Variants in TRMT11 observed in about 807,000 individuals in gnomAD.
TRMT11 encodes tRNA (guanine(10)-N(2))-methyltransferase TRMT11.
In TRMT11, 53 loss-of-function variants were observed where a neutral mutation model predicts 62.8. The ratio of observed to expected loss-of-function variants is 0.84; its 90% CI spans 0.68 to 1.06. The LOEUF is 1.06. TRMT11 is among the 50% of genes least tolerant of loss of function. The pLI, the probability that TRMT11 is intolerant of heterozygous loss-of-function variation, is 0.00. For missense variants in TRMT11, 556 were observed against 553.4 expected (o/e 1.00, Z -0.05); for synonymous variants, 188 against 190.3 (o/e 0.99, Z 0.10).
chr6:126,085,351 G>A (rs558252696), intron 17 of TRMT11, among the ~76,000 whole-genome samples: 1 of 152,218 alleles, frequency 6.6e-6, no homozygotes, highest in South Asian at 2.1e-4. Flanking sequence ...CATGTGCCAG[G>A]CAGTACTCTA....
chr6:126,035,557 C>G (rs1364210441), intron 12 of TRMT11, among the ~76,000 whole-genome samples: 1 of 152,088 alleles, frequency 6.6e-6, no homozygotes, highest in Non-Finnish European at 1.5e-5. Flanking sequence ...CCAGGAGTTG[C>G]ATTTCTAAGG....
intron 17 of TRMT11, among the ~76,000 whole-genome samples, chr6:126,060,116 A>G (rs533182149): frequency 1.3e-5 from 2 of 152,202 alleles, no homozygotes; most frequent in Non-Finnish European, 2.9e-5. Flanking sequence ...GAACCAGAGA[A>G]AGAGTATATA....
intron 21 of TRMT11, among the ~76,000 whole-genome samples, chr6:126,150,741 A>G (rs919712137): frequency 6.6e-6 from 1 of 152,176 alleles, no homozygotes. Flanking sequence ...TTAAAAATAC[A>G]TTGCATATTG....
intron 1 of TRMT11, among the ~76,000 whole-genome samples, chr6:126,189,814 C>A (rs1196381379): frequency 2.0e-5 from 3 of 152,032 alleles, no homozygotes; most frequent in Non-Finnish European, 4.4e-5. Context: ...CTGTTTATAT[C>A]TCAAAACAGT....
chr6:125,990,266 A>G (rs1309626127), intron 1 of TRMT11, among the ~76,000 whole-genome samples: 1 of 152,192 alleles, frequency 6.6e-6, no homozygotes, highest in African/African-American at 2.4e-5. Flanking sequence ...GGGATGATGT[A>G]CATCCTCTTC....
chr6:126,044,369 A>G (rs962216321), intron 16 of TRMT11, among the ~76,000 whole-genome samples: 3 of 152,174 alleles, frequency 2.0e-5, no homozygotes, highest in African/African-American at 7.2e-5. Flanking sequence ...AGCTGTAGAT[A>G]TGCGGCATTA....
intron 12 of TRMT11, among the ~76,000 whole-genome samples, chr6:126,022,872 A>G (rs976860168): frequency 6.6e-6 from 1 of 152,202 alleles, no homozygotes; most frequent in Non-Finnish European, 1.5e-5. Flanking sequence ...TATGGCAGTC[A>G]TTTTTAAAAC....
chr6:126,194,030 A>T (rs937326661), intron 1 of TRMT11, among the ~76,000 whole-genome samples: 3 of 152,202 alleles, frequency 2.0e-5, no homozygotes, highest in Admixed American at 6.5e-5. Flanking sequence ...GTCAGAAAAG[A>T]TACTTCATAT....
chr6:126,151,905 C>CTCTTTCTTTCGT (rs1778058062), intron 21 of TRMT11, among the ~76,000 whole-genome samples: 1 of 80,362 alleles, frequency 1.2e-5, no homozygotes, highest in Non-Finnish European at 2.3e-5. Context: ...TCTTTCTTTT[C>CTCTTTCTTTCGT]TCTTTCTTTC....
intron 19 of TRMT11, among the ~76,000 whole-genome samples, chr6:126,114,846 T>C (rs1777569526): frequency 6.6e-6 from 1 of 152,050 alleles, no homozygotes; most frequent in Non-Finnish European, 1.5e-5. Flanking sequence ...ACAGGCTTGA[T>C]AAAGAGCAAA....
intron 12 of TRMT11, among the ~76,000 whole-genome samples, chr6:126,026,740 T>G (rs1773191569): frequency 6.6e-6 from 1 of 151,986 alleles, no homozygotes; most frequent in African/African-American, 2.4e-5. Context: ...AAGATAGTCT[T>G]TCCTTGTCCT....
In TRMT11 at chr6:126,061,361, C is replaced by A. The variant is rs56144043; in HGVS notation, c.*1437+8171C>A. ...GGCAGAGAAGAAAGATAGCTAAAGT[C>A]ATTAATATAGTTCTTAAACTTTTGT... On this transcript the variant is annotated intron_variant and NMD_transcript_variant, in intron 17 of 22. Transcript: ENST00000648977. Among the ~76,000 whole-genome samples, 792 of 152,242 alleles carry A rather than the reference C, an allele frequency of 5.2e-3. 4 individuals are homozygous for A. The highest frequency in any genetic ancestry group is 0.018 in the African/African-American group (745 of 41,526).
intron 17 of TRMT11, among the ~76,000 whole-genome samples, chr6:126,085,327 A>G (rs1351373732): frequency 6.6e-6 from 1 of 152,174 alleles, no homozygotes; most frequent in African/African-American, 2.4e-5. Flanking sequence ...TTTCTGACAT[A>G]TAGAATTAGT....
At chr6:126,252,721 T>C in the TRMT11 span, among the ~76,000 whole-genome samples, 3 of 152,168 alleles carry the variant, frequency 2.0e-5, no homozygotes, top group Non-Finnish European at 4.4e-5. Flanking sequence ...AAAGTAATTT[T>C]AGGGAAGGGA....
intron 17 of TRMT11, among the ~76,000 whole-genome samples, chr6:126,105,299 G>A (rs367850535): frequency 3.2e-4 from 49 of 152,258 alleles, no homozygotes; most frequent in African/African-American, 9.6e-4. Flanking sequence ...AGCAAGAGAC[G>A]GGGTGGTATC....
intron 21 of TRMT11, among the ~76,000 whole-genome samples, chr6:126,159,800 C>T (rs1778168116): frequency 6.6e-6 from 1 of 152,160 alleles, no homozygotes; most frequent in African/African-American, 2.4e-5. Flanking sequence ...GTCCTGGTCA[C>T]TACAATCTGC....
chr6:126,078,990 T>G (rs1315494550), intron 17 of TRMT11, among the ~76,000 whole-genome samples: 24 of 152,194 alleles, frequency 1.6e-4, no homozygotes, highest in Admixed American at 1.5e-3. Context: ...AGTATTTATG[T>G]CTTTTAGATG....
the TRMT11 span, among the ~76,000 whole-genome samples, chr6:126,240,836 T>G: frequency 6.6e-6 from 1 of 152,258 alleles, no homozygotes; most frequent in Non-Finnish European, 1.5e-5. Flanking sequence ...GCAGGCCTCC[T>G]TGAGCCGCGG....
At chr6:126,156,776 G>T (rs1392694660) in intron 21 of TRMT11, among the ~76,000 whole-genome samples, 1 of 152,110 alleles carries the variant, frequency 6.6e-6, no homozygotes, top group Non-Finnish European at 1.5e-5. Flanking sequence ...GCAAGAATTT[G>T]CTTACTATCA....
Sources: gnomAD v4.1 joint callset for allele counts (sites outside exome capture counted in the v4.1 genomes callset) on GRCh38, gnomAD v4.1.1 for gene constraint, MANE v1.5 for transcripts, NCBI Gene and HGNC (gene_info 2026-07-23, HGNC 2026-07-21) for gene names.